BTBD9: variants seen among roughly 807,000 people sequenced by gnomAD.
BTBD9 encodes the protein BTB/POZ domain-containing protein 9.
BTBD9 carries 49 observed loss-of-function variants against 64.3 expected under a neutral mutation model. The ratio of observed to expected loss-of-function variants is 0.76; its 90% confidence interval spans 0.61 to 0.97. The LOEUF is 0.97. BTBD9 is among the 50% of genes least tolerant of loss of function. The pLI is 0.00. For missense variants in BTBD9, 598 were observed against 762.1 expected, an observed-to-expected ratio of 0.78 and a Z score of 2.53; for synonymous variants, 260 against 274.7, an observed-to-expected ratio of 0.95 and a Z score of 0.53.
chr6:38,402,794 T>G (rs536274079), intron 6 of BTBD9: 29 of 699,818 alleles, frequency 4.1e-5, no homozygotes, highest in Admixed American at 3.0e-4. Context: ...TCAGCAAGAC[T>G]TGGTGGCTCA....
At chr6:38,343,441 A>G (rs560517206) in intron 7 of BTBD9, among the ~76,000 whole-genome samples, 1 of 152,314 alleles carries the variant, frequency 6.6e-6, no homozygotes, top group African/African-American at 2.4e-5. Context: ...ATGAGTAGCC[A>G]AATGCTACAC....
At chr6:38,248,794 G>T (rs138922866) in intron 9 of BTBD9, among the ~76,000 whole-genome samples, 2 of 152,280 alleles carry the variant, frequency 1.3e-5, no homozygotes, top group African/African-American at 4.8e-5. Flanking sequence ...CATTCAAAAA[G>T]GTTGCAAATT....
intron 1 of BTBD9, among the ~76,000 whole-genome samples, chr6:38,637,276 A>G (rs767531422): frequency 2.0e-4 from 30 of 152,290 alleles, no homozygotes; most frequent in Non-Finnish European, 3.8e-4. Context: ...CCAGCACCCA[A>G]CGAAGTGTCT....
rs1364168757 is a variant in BTBD9, at chr6:38,171,195, A to G, written c.*3790T>C. The G allele has an allele frequency of 6.6e-6, 1 of 152,202 alleles. No homozygotes were observed. The highest frequency in any genetic ancestry group is 2.1e-4 in the South Asian group (1 of 4,832). The allele number at this position is 152,202 out of a possible 1,614,324, so 9.4% of individuals were successfully genotyped here. A position where few individuals can be genotyped will look rare whatever the true frequency, so the allele number is the denominator to read the frequency against. ...AGTGATTACAATTTTGTTATCTTCT[A>G]AATTAAAAAGAAGGTGAAGTTGACT... On this transcript the variant is annotated 3_prime_UTR_variant, in exon 11 of 11. Transcript: ENST00000481247.
At chr6:38,442,934 CT>C (rs1035684263) in intron 6 of BTBD9, among the ~76,000 whole-genome samples, 2 of 151,984 alleles carry the variant, frequency 1.3e-5, no homozygotes, top group African/African-American at 4.8e-5. Context: ...TCCCAAAGTG[CT>C]GGGATTACAT....
intron 7 of BTBD9, among the ~76,000 whole-genome samples, chr6:38,289,173 G>A (rs1252201582): frequency 2.0e-5 from 3 of 152,144 alleles, no homozygotes; most frequent in African/African-American, 7.2e-5. Context: ...AGGAGTTCAA[G>A]ACCAGCCAGG....
chr6:38,321,522 G>C (rs1763229978), intron 7 of BTBD9, among the ~76,000 whole-genome samples: 1 of 152,160 alleles, frequency 6.6e-6, no homozygotes, highest in Non-Finnish European at 1.5e-5. Flanking sequence ...CATTAAACTG[G>C]ACAGCAAACC....
chr6:38,175,248 G>T, intron 10 of BTBD9, 66 bp from the exon 11 acceptor site: 1 of 1,547,952 alleles, frequency 6.5e-7, no homozygotes, highest in Admixed American at 1.8e-5. Context: ...GTTGCCGCAA[G>T]TTGGGATACT....
At chr6:38,447,345 A>G (rs11964058) in intron 6 of BTBD9, among the ~76,000 whole-genome samples, 10,817 of 152,292 alleles carry the variant, frequency 0.071, 762 homozygotes, top group African/African-American at 0.17. Flanking sequence ...AGAGGCTCAA[A>G]GGACTTTTCA....
chr6:38,496,925 A>G (rs1483847978), intron 6 of BTBD9, among the ~76,000 whole-genome samples: 1 of 152,208 alleles, frequency 6.6e-6, no homozygotes, highest in African/African-American at 2.4e-5. Context: ...GGTGGCAGAC[A>G]GCAAAGTAGC....
At position 38,460,492 on chromosome 6, in the gene BTBD9, T is replaced by C. The variant is rs543639617; in HGVS notation, c.1155-115399A>G. Among the ~76,000 whole-genome samples the C allele has an allele frequency of 2.6e-5, 4 of 152,310 alleles. No individual in the cohort carries two copies. The South Asian group carries it at 6.2e-4, about 24-fold the overall frequency. Reference sequence around the variant, plus strand: ...ATTTACTGGTGTAATATAAGAACAATAGGACACCCCTACACTAATAGCTAG... The same window carrying C: ...ATTTACTGGTGTAATATAAGAACAACAGGACACCCCTACACTAATAGCTAG... On this transcript the variant is annotated intron_variant, in intron 6 of 10. Transcript: ENST00000481247.
chr6:38,287,603 A>G (rs1347282761), intron 8 of BTBD9, among the ~76,000 whole-genome samples: 2 of 152,176 alleles, frequency 1.3e-5, no homozygotes, highest in Non-Finnish European at 2.9e-5. Flanking sequence ...AGAACATACC[A>G]TCTAGCCTAG....
intron 6 of BTBD9, among the ~76,000 whole-genome samples, chr6:38,506,591 C>T (rs11757985): frequency 0.2 from 30,323 of 152,116 alleles, 3,336 homozygotes; most frequent in Middle Eastern, 0.27. Flanking sequence ...CATTGTAACA[C>T]CAAAACTTCC....
intron 6 of BTBD9, among the ~76,000 whole-genome samples, chr6:38,389,697 G>A (rs547208304): frequency 5.7e-4 from 87 of 152,190 alleles, no homozygotes; most frequent in Middle Eastern, 3.4e-3. Context: ...ACTAGCTTAC[G>A]TGAAAAAAGA....
At chr6:38,194,231 A>T (rs965116479) in intron 9 of BTBD9, among the ~76,000 whole-genome samples, 1 of 151,966 alleles carries the variant, frequency 6.6e-6, no homozygotes, top group Non-Finnish European at 1.5e-5. Flanking sequence ...CTGACCACAC[A>T]CTCATGTCCT....
At chr6:38,458,055 G>A (rs559212771) in intron 6 of BTBD9, among the ~76,000 whole-genome samples, 6 of 152,190 alleles carry the variant, frequency 3.9e-5, no homozygotes, top group African/African-American at 1.2e-4. Flanking sequence ...AGCTTTACGC[G>A]CCAGATTTTG....
At chr6:38,425,608 T>G (rs1248567959) in intron 6 of BTBD9, among the ~76,000 whole-genome samples, 1 of 151,704 alleles carries the variant, frequency 6.6e-6, no homozygotes. Context: ...TCACATATTA[T>G]TTAAGGATAA....
At chr6:38,548,105 T>C (rs1240802369) in intron 6 of BTBD9, among the ~76,000 whole-genome samples, 2 of 152,224 alleles carry the variant, frequency 1.3e-5, no homozygotes, top group African/African-American at 4.8e-5. Context: ...ACTCATTTAG[T>C]TACCTCTGAT....
At chr6:38,302,485 GTATATATATATA>G (rs59324806) in intron 7 of BTBD9, among the ~76,000 whole-genome samples, 7,745 of 106,814 alleles carry the variant, frequency 0.073, 500 homozygotes, top group South Asian at 0.15. Context: ...TTGTGTGTAT[GTATATATATATA>G]TATATATATA....
Sources: allele counts gnomAD v4.1 joint callset (sites outside exome capture counted in the v4.1 genomes callset), GRCh38; gene constraint gnomAD v4.1.1; transcripts MANE v1.5; gene names NCBI Gene and HGNC (gene_info 2026-07-23, HGNC 2026-07-21).